Variants in KCNH7 observed in about 807,000 individuals in gnomAD.
KCNH7 encodes the protein potassium voltage-gated channel subfamily H member 7, also known as voltage-gated inwardly rectifying potassium channel KCNH7.
A neutral mutation model predicts 120.8 loss-of-function variants in KCNH7; 49 were observed. The observed-to-expected ratio is 0.41, with a 90% CI of 0.32 to 0.51. The LOEUF is 0.51. Among genes scored for constraint, KCNH7 ranks in the 20% least tolerant of loss-of-function variants. The pLI, the probability that KCNH7 is intolerant of heterozygous loss-of-function variation, is 0.38. For synonymous variants in KCNH7, 547 were observed against 516.1 expected (o/e 1.06, Z -0.81); for missense variants, 1,097 against 1,446.6 (o/e 0.76, Z 3.92).
chr2:162,646,029 G>A lies in KCNH7; in HGVS notation c.308-108949C>T, dbSNP rs532687783. Among the ~76,000 whole-genome samples, 402 of 152,246 alleles carry A rather than the reference G, an allele frequency of 2.6e-3. 1 individual carries two copies. The highest frequency in any genetic ancestry group is 9.1e-3 in the African/African-American group (379 of 41,546). On this transcript the variant is annotated intron_variant, in intron 2 of 15. Coordinates refer to ENST00000332142, the MANE Select transcript of KCNH7 (RefSeq NM_033272.4). ...CGTGAAATCTATAGGGGCTTGAAAAGATATACAATCCATGTGGTCAAATTA... is the reference window on the plus strand; with the variant it reads ...CGTGAAATCTATAGGGGCTTGAAAAAATATACAATCCATGTGGTCAAATTA...
chr2:162,456,365 T>G (rs1338847987), intron 6 of KCNH7, among the ~76,000 whole-genome samples: 1 of 151,148 alleles, frequency 6.6e-6, no homozygotes, highest in African/African-American at 2.4e-5. Context: ...AAATTATAAT[T>G]TATACATTCC....
At chr2:162,453,648 C>T (rs1055242385) in intron 6 of KCNH7, among the ~76,000 whole-genome samples, 4 of 152,058 alleles carry the variant, frequency 2.6e-5, no homozygotes, top group African/African-American at 7.2e-5. Context: ...TTTTAATAAT[C>T]GTCATTCTGA....
intron 2 of KCNH7, among the ~76,000 whole-genome samples, chr2:162,790,034 G>C (rs181445982): frequency 2.7e-5 from 4 of 150,856 alleles, no homozygotes; most frequent in Admixed American, 2.0e-4. Context: ...CAATAGATAA[G>C]ATCAATAAAA....
At chr2:162,512,560 G>T in intron 5 of KCNH7, 94 bp downstream of exon 5, 2 of 1,054,844 alleles carry the variant, frequency 1.9e-6, no homozygotes, top group Non-Finnish European at 2.9e-6. Context: ...GCATGAAGAT[G>T]TTGCACTGAA....
intron 2 of KCNH7, among the ~76,000 whole-genome samples, chr2:162,722,871 G>T (rs1336087926): frequency 1.8e-4 from 9 of 51,092 alleles, no homozygotes; most frequent in African/African-American, 5.4e-4. Flanking sequence ...CTTCAAATTT[G>T]CTGACTTTTT....
intron 6 of KCNH7, among the ~76,000 whole-genome samples, chr2:162,502,486 C>A (rs1208671246): frequency 6.6e-6 from 1 of 151,972 alleles, no homozygotes; most frequent in East Asian, 1.9e-4. Context: ...ACAATAAATG[C>A]CACTTGCATT....
chr2:162,567,026 GTA>G (rs1693279947), intron 2 of KCNH7, among the ~76,000 whole-genome samples: 1 of 151,938 alleles, frequency 6.6e-6, no homozygotes, highest in Non-Finnish European at 1.5e-5. Context: ...TAGTATACCT[GTA>G]TATGGCATGA....
chr2:162,787,174 C>G (rs1304153680), intron 2 of KCNH7, among the ~76,000 whole-genome samples: 1 of 152,078 alleles, frequency 6.6e-6, no homozygotes, highest in Non-Finnish European at 1.5e-5. Context: ...TCCCAGTCTC[C>G]AGGCTGGCAC....
At chr2:162,688,266 A>G (rs1685967248) in intron 2 of KCNH7, among the ~76,000 whole-genome samples, 3 of 152,128 alleles carry the variant, frequency 2.0e-5, no homozygotes, top group Non-Finnish European at 4.4e-5. Flanking sequence ...CTCCTGTCAT[A>G]TTTATTCCTG....
intron 12 of KCNH7, among the ~76,000 whole-genome samples, chr2:162,389,499 A>G (rs2105422766): frequency 6.6e-6 from 1 of 152,120 alleles, no homozygotes; most frequent in East Asian, 1.9e-4. Flanking sequence ...GAGAAGGGAT[A>G]TTTGGAAGAG....
intron 9 of KCNH7, among the ~76,000 whole-genome samples, chr2:162,416,506 G>A (rs1183883182): frequency 6.6e-6 from 1 of 152,052 alleles, no homozygotes; most frequent in East Asian, 1.9e-4. Flanking sequence ...CACAGAATCA[G>A]ATGATAGCTT....
At chr2:162,464,596 A>G (rs1689250392) in intron 6 of KCNH7, among the ~76,000 whole-genome samples, 1 of 151,994 alleles carries the variant, frequency 6.6e-6, no homozygotes, top group South Asian at 2.1e-4. Context: ...ACAGCATTTG[A>G]CATCTTACTG....
intron 2 of KCNH7, among the ~76,000 whole-genome samples, chr2:162,806,858 A>G (rs1010044031): frequency 3.3e-5 from 5 of 152,068 alleles, no homozygotes; most frequent in Non-Finnish European, 5.9e-5. Context: ...TTAAAAAAAG[A>G]TAATTTGTAA....
intron 2 of KCNH7, among the ~76,000 whole-genome samples, chr2:162,660,490 T>C (rs904910090): frequency 6.6e-6 from 1 of 152,206 alleles, no homozygotes; most frequent in East Asian, 1.9e-4. Context: ...ACAATTCCTT[T>C]TATTTTAAAT....
intron 14 of KCNH7, among the ~76,000 whole-genome samples, chr2:162,377,279 T>C (rs1475158605): frequency 5.4e-5 from 8 of 148,402 alleles, no homozygotes; most frequent in Admixed American, 2.7e-4. Context: ...AAAAAAAAAG[T>C]GTGAAAATAT....
chr2:162,483,911 G>A (rs1690009457), intron 6 of KCNH7, among the ~76,000 whole-genome samples: 1 of 152,082 alleles, frequency 6.6e-6, no homozygotes, highest in African/African-American at 2.4e-5. Context: ...AATTTTGTCA[G>A]TCATCCACCT....
intron 2 of KCNH7, among the ~76,000 whole-genome samples, chr2:162,696,070 T>C (rs1413444109): frequency 6.6e-6 from 1 of 152,158 alleles, no homozygotes; most frequent in Non-Finnish European, 1.5e-5. Flanking sequence ...TCAGATAAGT[T>C]AAATGACTAA....
At chr2:162,448,273 T>C (rs1282732815) in intron 6 of KCNH7, among the ~76,000 whole-genome samples, 1 of 152,032 alleles carries the variant, frequency 6.6e-6, no homozygotes, top group African/African-American at 2.4e-5. Context: ...GACATTTTGG[T>C]CTGTACAAAA....
At position 162,537,070 on chromosome 2, in the gene KCNH7, A is replaced by G. The variant is rs1692134252; in HGVS notation, c.318T>C (p.Phe106=). 5 of 1,611,698 alleles carry G rather than the reference A, an allele frequency of 3.1e-6. No individual in the cohort carries two copies. Among genetic ancestry groups the G allele is most frequent in the African/African-American group, 1.3e-5 (1 of 74,824 alleles). ...CTGGAATTATGTGAGTGTTACAAAT[A>G]AAAGTGGACCCTAAGGAGATTAAAA... ...VTYYHKNGST[F]ICNTHIIPVK... Residue 106 remains phenylalanine (F), a synonymous_variant, in exon 3 of 16, where the codon TTT becomes TTC. Transcript: ENST00000332142.
Sources: allele counts gnomAD v4.1 joint callset (sites outside exome capture counted in the v4.1 genomes callset), GRCh38; gene constraint gnomAD v4.1.1; transcripts MANE v1.5; gene names NCBI Gene and HGNC (gene_info 2026-07-23, HGNC 2026-07-21).